The following CIDEA variants were observed in gnomAD, a reference collection of about 807,000 sequenced individuals.
CIDEA encodes the protein cell death inducing DFFA like effector a.
CIDEA carries 10 observed loss-of-function variants against 18.2 expected under a neutral mutation model. That is an observed-to-expected ratio of 0.55 (90% CI 0.34 to 0.93). The LOEUF is 0.93. Ranked by LOEUF, CIDEA falls within the 40% of genes least tolerant of loss-of-function variation. The probability of loss-of-function intolerance (pLI) is 0.02; values close to 1 mark genes in which losing one functional copy is unlikely to be tolerated. For missense variants in CIDEA, 309 were observed against 293.1 expected (o/e 1.05, Z -0.40); for synonymous variants, 128 against 124.8 (o/e 1.03, Z -0.17).
At chr18:12,263,005 G>A in intron 2 of CIDEA, 36 bp downstream of exon 2, 5 of 1,608,078 alleles carry the variant, frequency 3.1e-6, no homozygotes, top group South Asian at 2.2e-5. Context: ...CCAGTCCACA[G>A]GGGTGCCCTG....
chr18:12,262,761 G>A, intron 1 of CIDEA, 64 bp from the exon 2 acceptor site: 1 of 1,441,124 alleles, frequency 6.9e-7, no homozygotes, highest in Non-Finnish European at 9.6e-7. Context: ...TTATTTTTAT[G>A]TACTTTCACA....
intron 3 of CIDEA, among the ~76,000 whole-genome samples, 158 bp downstream of exon 3, chr18:12,264,611 T>C (rs912596579): frequency 2.0e-5 from 3 of 151,850 alleles, no homozygotes; most frequent in Non-Finnish European, 4.4e-5. Flanking sequence ...TGGAGTGCAG[T>C]GGCGCGATCT....
intron 3 of CIDEA, among the ~76,000 whole-genome samples, chr18:12,271,199 A>C (rs895959693): frequency 3.0e-4 from 45 of 151,494 alleles, no homozygotes; most frequent in African/African-American, 1.0e-3. Flanking sequence ...GCGGCCGGAC[A>C]GACGCCCCTG....
intron 3 of CIDEA, among the ~76,000 whole-genome samples, chr18:12,267,048 C>T (rs986916265): frequency 2.3e-4 from 35 of 152,118 alleles, no homozygotes; most frequent in Non-Finnish European, 4.3e-4. Flanking sequence ...TGTGAGCCAC[C>T]GCACCCGGCC....
chr18:12,276,829 G>T (rs1037972596), intron 4 of CIDEA, among the ~76,000 whole-genome samples: 1 of 152,196 alleles, frequency 6.6e-6, no homozygotes, highest in Admixed American at 6.5e-5. Flanking sequence ...CAAGCAGGCC[G>T]CACTTCAGGT....
At position 12,256,574 on chromosome 18, in the gene CIDEA, G is replaced by A. The variant is rs187834902; in HGVS notation, c.38+2153G>A. On this transcript the variant is annotated intron_variant, in intron 1 of 4. Coordinates refer to ENST00000320477, the MANE Select transcript of CIDEA (RefSeq NM_001279.4). ...TGCTCTGTTCCTGTGTTCTGCCAGT[G>A]ATAACATTCCTGCCAAACGCTGAAG... 1.7e-4 allele frequency among the ~76,000 whole-genome samples: 26 copies of A among 152,320 alleles called. 1 individual carries two copies. The Middle Eastern group carries it at 0.017, about 100-fold the overall frequency.
At chr18:12,260,925 T>C (rs183428707) in intron 1 of CIDEA, among the ~76,000 whole-genome samples, 1 of 152,264 alleles carries the variant, frequency 6.6e-6, no homozygotes, top group Non-Finnish European at 1.5e-5. Context: ...GTGGGTGCTC[T>C]CCGGGGTGAG....
chr18:12,255,425 A>T (rs890347778), intron 1 of CIDEA, among the ~76,000 whole-genome samples: 69 of 152,288 alleles, frequency 4.5e-4, no homozygotes, highest in Non-Finnish European at 2.2e-4. Context: ...TGTTGTAGAC[A>T]CTGCAGGTTA....
chr18:12,274,329 A>C, intron 4 of CIDEA, 55 bp downstream of exon 4: 1 of 1,562,056 alleles, frequency 6.4e-7, no homozygotes, highest in Non-Finnish European at 8.8e-7. Flanking sequence ...AGGGTGTGGC[A>C]CAGGCAGCAG....
intron 3 of CIDEA, among the ~76,000 whole-genome samples, chr18:12,272,561 T>C (rs1912581270): frequency 6.6e-6 from 1 of 152,102 alleles, no homozygotes; most frequent in Non-Finnish European, 1.5e-5. Context: ...TTGACCAGGC[T>C]AGTCTCAAAC....
At chr18:12,261,100 C>T (rs1172921977) in intron 1 of CIDEA, among the ~76,000 whole-genome samples, 2 of 152,140 alleles carry the variant, frequency 1.3e-5, no homozygotes, top group African/African-American at 4.8e-5. Context: ...GTAAAAAAGT[C>T]GGCCAAGAGT....
At chr18:12,270,566 G>A (rs1912483861) in intron 3 of CIDEA, among the ~76,000 whole-genome samples, 1 of 151,864 alleles carries the variant, frequency 6.6e-6, no homozygotes, top group Non-Finnish European at 1.5e-5. Flanking sequence ...GTAGGCACCT[G>A]TAATCCCAGC....
chr18:12,264,310 C>A lies in CIDEA; in HGVS notation c.187C>A (p.Leu63Met). 6.2e-7 allele frequency: 1 copy of A among 1,606,990 alleles called. No individual in the cohort carries two copies. The highest frequency in any genetic ancestry group is 8.5e-7 in the Non-Finnish European group (1 of 1,177,266). The change falls in exon 3 of 5, where the codon CTG becomes ATG. Residue 63 changes from leucine to methionine, a missense_variant. Physicochemically the swap from Leu to Met is conservative, Grantham distance 15 (BLOSUM62 2). Coordinates refer to ENST00000320477, the MANE Select transcript of CIDEA (RefSeq NM_001279.4). ...SSLQELISKT[L>M]DALVIATGLV... Reference sequence around the variant, plus strand: ...CTCTGATGTGTTGCACACCTAGACTCTGGATGCCCTCGTCATCGCTACCGG... The same window carrying A: ...CTCTGATGTGTTGCACACCTAGACTATGGATGCCCTCGTCATCGCTACCGG...
intron 3 of CIDEA, among the ~76,000 whole-genome samples, chr18:12,269,716 C>T (rs961498492): frequency 1.3e-5 from 2 of 151,408 alleles, no homozygotes; most frequent in Admixed American, 1.3e-4. Context: ...TCTTTTTTTT[C>T]GAGGCAGGGT....
chr18:12,260,720 G>A (rs969493463), intron 1 of CIDEA, among the ~76,000 whole-genome samples: 6 of 152,336 alleles, frequency 3.9e-5, no homozygotes, highest in South Asian at 4.1e-4. Flanking sequence ...TTGGCAATCC[G>A]TGCAGGTGTT....
In CIDEA at chr18:12,272,147, T is replaced by TGGGGGGGGGGGGGGGGGGGGGG. The variant is rs1259474425; in HGVS notation, c.331-1945_331-1944insGGGGGGGGGGGGGGGGGGGGGG. ...CCTCAGCCTCAGCTTTGAGTGTGTGTGTGGGGGGGGGGGGTTGGGGGGGGG... is the reference window on the plus strand; with the variant it reads ...CCTCAGCCTCAGCTTTGAGTGTGTGTGGGGGGGGGGGGGGGGGGGGGGGTGGGGGGGGGGGGTTGGGGGGGGG... On this transcript the variant is annotated intron_variant, in intron 3 of 4. Coordinates refer to ENST00000320477, the MANE Select transcript of CIDEA (RefSeq NM_001279.4). Among the ~76,000 whole-genome samples, 2 of 1,476 alleles carry TGGGGGGGGGGGGGGGGGGGGGG rather than the reference T, an allele frequency of 1.4e-3. 1 individual carries two copies. Among genetic ancestry groups the TGGGGGGGGGGGGGGGGGGGGGG allele is most frequent in the Admixed American group, 0.014 (2 of 146 alleles). 1.0% of individuals were successfully genotyped at this position (1,476 alleles called of 152,430 possible). A position where few individuals can be genotyped will look rare whatever the true frequency, so the allele number is the denominator to read the frequency against.
chr18:12,254,895 T>A, intron 1 of CIDEA: 1 of 1,280,456 alleles, frequency 7.8e-7, no homozygotes. Context: ...GCTTGGCCCC[T>A]CCTGGAAGCG....
intron 4 of CIDEA, among the ~76,000 whole-genome samples, chr18:12,276,890 G>T (rs1464353455): frequency 6.6e-6 from 1 of 152,174 alleles, no homozygotes; most frequent in Non-Finnish European, 1.5e-5. Context: ...GCAGCAAGGG[G>T]GTCCTCAGGG....
rs891721907 is a variant in CIDEA at position 12,254,700 on chromosome 18, C to G, written c.38+279C>G. 2.0e-6 allele frequency: 3 copies of G among 1,498,254 alleles called. No homozygotes were observed. In the African/African-American group the frequency reaches 4.2e-5, roughly 21 times the overall value. The allele number at this position is 1,498,254 out of a possible 1,614,324, so 92.8% of individuals were successfully genotyped here. A position where few individuals can be genotyped will look rare whatever the true frequency, so the allele number is the denominator to read the frequency against. On this transcript the variant is annotated intron_variant, in intron 1 of 4. Transcript: ENST00000320477. The stretch of plus-strand genomic sequence containing the variant: ...CCAGGTGTGGCTCTTGCGAGGTGCG[C>G]GGGCGTCTGCAAACCAGGTGACAGC...
Sources: allele counts gnomAD v4.1 joint callset (sites outside exome capture counted in the v4.1 genomes callset), GRCh38; gene constraint gnomAD v4.1.1; transcripts MANE v1.5; gene names NCBI Gene and HGNC (gene_info 2026-07-23, HGNC 2026-07-21).